Variants in NOX4 observed in about 807,000 individuals in gnomAD.
The protein encoded by NOX4 is kidney oxidase-1.
Under a neutral mutation model 87.6 loss-of-function variants are expected in NOX4, and 69 were observed. The ratio of observed to expected loss-of-function variants is 0.79; its 90% CI spans 0.65 to 0.96. NOX4 has a LOEUF of 0.96. Ranked by LOEUF, NOX4 falls within the 40% of genes least tolerant of loss-of-function variation. The probability of loss-of-function intolerance (pLI) is 0.00; values close to 1 mark genes in which losing one functional copy is unlikely to be tolerated. For synonymous variants in NOX4, 275 were observed against 238.2 expected (o/e 1.15, Z -1.42); for missense variants, 680 against 681.5 (o/e 1.00, Z 0.02).
the NOX4 span, chr11:89,533,907 T>C: frequency 6.6e-6 from 1 of 152,242 alleles, no homozygotes; most frequent in East Asian, 1.9e-4. Context: ...ATGGTGATGA[T>C]GCTTTGAAGT....
At chr11:89,566,704 G>C in the NOX4 span, among the ~76,000 whole-genome samples, 1 of 152,154 alleles carries the variant, frequency 6.6e-6, no homozygotes, top group African/African-American at 2.4e-5. Flanking sequence ...GAGATCTTTA[G>C]AAGGAAATCA....
chr11:89,536,128 T>C, the NOX4 span, among the ~76,000 whole-genome samples: 1 of 143,936 alleles, frequency 6.9e-6, no homozygotes, highest in African/African-American at 2.5e-5. Context: ...TTTCTTGATC[T>C]GGTCCTTTTC....
the NOX4 span, among the ~76,000 whole-genome samples, chr11:89,506,847 G>A: frequency 6.6e-6 from 1 of 151,790 alleles, no homozygotes; most frequent in Non-Finnish European, 1.5e-5. Context: ...TTAAGAACAA[G>A]TAAATTAAAA....
chr11:89,399,694 G>A (rs1941710719), intron 11 of NOX4, among the ~76,000 whole-genome samples: 1 of 150,480 alleles, frequency 6.6e-6, no homozygotes, highest in Admixed American at 6.7e-5. Context: ...TGAAATCCGG[G>A]GCTCAAGTGG....
At chr11:89,373,761 AC>A (rs1249422475) in intron 11 of NOX4, among the ~76,000 whole-genome samples, 1 of 152,108 alleles carries the variant, frequency 6.6e-6, no homozygotes, top group East Asian at 1.9e-4. Flanking sequence ...ATTTCATTTA[AC>A]TACAAATCTT....
the NOX4 span, among the ~76,000 whole-genome samples, chr11:89,506,215 A>AAGAGAGAG: frequency 0.013 from 1,601 of 119,092 alleles, 32 homozygotes; most frequent in African/African-American, 0.047. Context: ...TGTAGAAAGA[A>AAGAGAGAG]AGAAAGAGAG....
intron 8 of NOX4, among the ~76,000 whole-genome samples, chr11:89,411,229 C>T (rs1158505235): frequency 1.3e-5 from 2 of 152,256 alleles, no homozygotes; most frequent in East Asian, 1.9e-4. Context: ...GTGGTACCCA[C>T]GCAGTACTCG....
upstream of NOX4, chr11:89,491,493 A>G (rs1221912866): frequency 2.1e-6 from 1 of 485,490 alleles, no homozygotes; most frequent in Non-Finnish European, 3.6e-6. Context: ...TCAGCTGCCC[A>G]GACGCCCAGC....
chr11:89,451,447 G>A (rs553632565), intron 3 of NOX4, among the ~76,000 whole-genome samples: 101 of 152,106 alleles, frequency 6.6e-4, no homozygotes, highest in Non-Finnish European at 1.1e-3. Context: ...CCCTAGTCTC[G>A]AAGTTACTCA....
upstream of NOX4, among the ~76,000 whole-genome samples, chr11:89,501,441 A>C (rs1947018579): frequency 6.6e-6 from 1 of 152,068 alleles, no homozygotes; most frequent in African/African-American, 2.4e-5. Flanking sequence ...TGAGCAGAGA[A>C]GAGAAGATAA....
the NOX4 span, among the ~76,000 whole-genome samples, chr11:89,579,417 G>A: frequency 2.0e-5 from 3 of 151,996 alleles, no homozygotes; most frequent in East Asian, 5.8e-4. Flanking sequence ...CAGAGAGTGT[G>A]TGGGAAATCT....
intron 8 of NOX4, among the ~76,000 whole-genome samples, chr11:89,405,415 T>C (rs1942112700): frequency 6.6e-6 from 1 of 152,054 alleles, no homozygotes; most frequent in Admixed American, 6.6e-5. Flanking sequence ...TAAAACCCCA[T>C]TAAAACTGTC....
chr11:89,473,814 C>G (rs145702165), intron 2 of NOX4, among the ~76,000 whole-genome samples: 145 of 152,112 alleles, frequency 9.5e-4, no homozygotes, highest in African/African-American at 2.6e-3. Context: ...TCCAGTCTTT[C>G]CTTGGGGAAA....
At chr11:89,523,938 G>A in the NOX4 span, among the ~76,000 whole-genome samples, 5 of 152,128 alleles carry the variant, frequency 3.3e-5, no homozygotes, top group Admixed American at 1.3e-4. Flanking sequence ...AATCCATAGC[G>A]ATTTAAAAAT....
chr11:89,440,791 G>C, intron 5 of NOX4, 76 bp from the exon 6 acceptor site: 2 of 795,754 alleles, frequency 2.5e-6, no homozygotes, highest in South Asian at 3.9e-5. Flanking sequence ...GAGTATGCAG[G>C]ATCTACAAAC....
chr11:89,568,830 T>C, the NOX4 span, among the ~76,000 whole-genome samples: 1 of 152,126 alleles, frequency 6.6e-6, no homozygotes, highest in Non-Finnish European at 1.5e-5. Context: ...CATAGACCAA[T>C]GCAACAGGAT....
upstream of NOX4, chr11:89,491,395 G>A (rs1410670978): frequency 2.9e-6 from 2 of 695,498 alleles, no homozygotes; most frequent in African/African-American, 1.9e-5. Context: ...AAGGCCCGGC[G>A]CCGAGCCAGC....
At chr11:89,481,843 G>C (rs1946402494) in intron 2 of NOX4, among the ~76,000 whole-genome samples, 1 of 152,038 alleles carries the variant, frequency 6.6e-6, no homozygotes, top group African/African-American at 2.4e-5. Context: ...CCTCCAGGCT[G>C]AGCATTGCCC....
At chr11:89,479,468 G>A (rs1210123696) in intron 2 of NOX4, among the ~76,000 whole-genome samples, 2 of 151,864 alleles carry the variant, frequency 1.3e-5, no homozygotes, top group African/African-American at 4.8e-5. Context: ...ATACCCTATT[G>A]TTAAAATGCC....
Sources: allele counts gnomAD v4.1 joint callset (sites outside exome capture counted in the v4.1 genomes callset), GRCh38; gene constraint gnomAD v4.1.1; transcripts MANE v1.5; gene names NCBI Gene and HGNC (gene_info 2026-07-23, HGNC 2026-07-21).